The following NCKAP5 variants were observed in gnomAD, a reference collection of about 807,000 sequenced individuals.
The protein encoded by NCKAP5 is NCK associated protein 5, also known as nck-associated protein 5.
A neutral mutation model predicts 167.0 loss-of-function variants in NCKAP5; 92 were observed. That is an observed-to-expected ratio of 0.55 (90% confidence interval 0.47 to 0.66). NCKAP5 has a LOEUF of 0.66. Ranked by LOEUF, NCKAP5 falls within the 30% of genes least tolerant of loss-of-function variation. NCKAP5 has a pLI of 0.00. For missense variants in NCKAP5, 2,378 were observed against 2,315.0 expected (o/e 1.03, Z -0.56); for synonymous variants, 891 against 877.4 (o/e 1.02, Z -0.27).
chr2:133,089,723 A>G (rs985258271), intron 6 of NCKAP5, among the ~76,000 whole-genome samples: 5 of 152,244 alleles, frequency 3.3e-5, no homozygotes, highest in African/African-American at 1.2e-4. Context: ...CAGCAGAACC[A>G]GGGGCAATTT....
intron 3 of NCKAP5, among the ~76,000 whole-genome samples, chr2:133,317,386 C>G (rs1226862366): frequency 2.0e-5 from 3 of 152,110 alleles, no homozygotes; most frequent in Non-Finnish European, 4.4e-5. Context: ...CCACCCCCCT[C>G]CTTCCAGCAA....
intron 4 of NCKAP5, among the ~76,000 whole-genome samples, chr2:133,222,026 C>T (rs750324506): frequency 1.1e-4 from 16 of 152,088 alleles, no homozygotes; most frequent in Non-Finnish European, 1.5e-4. Context: ...TGAATAGTTG[C>T]TATGTCAGGC....
At chr2:133,523,005 T>C (rs990819469) in intron 2 of NCKAP5, among the ~76,000 whole-genome samples, 3 of 152,168 alleles carry the variant, frequency 2.0e-5, no homozygotes, top group Admixed American at 6.5e-5. Flanking sequence ...CTGATAGTTA[T>C]TGATACTAAT....
chr2:133,587,531 A>C, the NCKAP5 span, among the ~76,000 whole-genome samples: 1 of 152,270 alleles, frequency 6.6e-6, no homozygotes, highest in Non-Finnish European at 1.5e-5. Context: ...TGTTTTGTGC[A>C]CATGGTCTCC....
chr2:132,939,355 C>A (rs972463850), intron 8 of NCKAP5, among the ~76,000 whole-genome samples: 3 of 152,058 alleles, frequency 2.0e-5, no homozygotes, highest in Non-Finnish European at 2.9e-5. Context: ...CATTCATGCA[C>A]AAGTAATGAA....
intron 4 of NCKAP5, chr2:133,266,283 G>A (rs1454525733): frequency 6.6e-6 from 1 of 152,426 alleles, no homozygotes. Context: ...TTCTCCCCCT[G>A]CCGTCGGGCT....
At chr2:132,821,880 G>A (rs1234985219) in intron 11 of NCKAP5, among the ~76,000 whole-genome samples, 1 of 152,158 alleles carries the variant, frequency 6.6e-6, no homozygotes, top group Non-Finnish European at 1.5e-5. Flanking sequence ...CCCAAGGAGA[G>A]TCTGAGCCCA....
At chr2:133,023,446 T>A (rs2078595911) in intron 6 of NCKAP5, among the ~76,000 whole-genome samples, 3 of 152,240 alleles carry the variant, frequency 2.0e-5, no homozygotes, top group Non-Finnish European at 4.4e-5. Flanking sequence ...TTATTGATTT[T>A]TTATAATTGT....
intron 5 of NCKAP5, among the ~76,000 whole-genome samples, chr2:133,138,237 T>C (rs1294642917): frequency 6.6e-6 from 1 of 152,158 alleles, no homozygotes; most frequent in Non-Finnish European, 1.5e-5. Context: ...AGAAACCTCA[T>C]CATATCCCAC....
intron 6 of NCKAP5, among the ~76,000 whole-genome samples, chr2:133,017,801 A>G (rs1397456575): frequency 6.6e-6 from 1 of 151,010 alleles, no homozygotes; most frequent in African/African-American, 2.4e-5. Context: ...ATTTCCCTGG[A>G]CTGAAATGGA....
At chr2:132,882,450 C>T (rs1330672951) in intron 8 of NCKAP5, among the ~76,000 whole-genome samples, 2 of 152,142 alleles carry the variant, frequency 1.3e-5, no homozygotes, top group African/African-American at 4.8e-5. Context: ...ATGGTTAGCA[C>T]TCAGGCTCTC....
intron 4 of NCKAP5, among the ~76,000 whole-genome samples, chr2:133,271,463 CA>C (rs145947352): frequency 0.1 from 15,559 of 151,846 alleles, 911 homozygotes; most frequent in East Asian, 0.16. Context: ...TATATTTTTG[CA>C]AAAAAACATG....
In NCKAP5 at chr2:132,671,824, AG is replaced by A. The variant is rs1683792655; in HGVS notation, c.*1464del. 1 of 152,702 alleles carries A rather than the reference AG, an allele frequency of 6.5e-6. No homozygotes were observed. Among genetic ancestry groups the A allele is most frequent in the Non-Finnish European group, 1.5e-5 (1 of 68,054 alleles). The allele number at this position is 152,702 out of a possible 1,614,324, so 9.5% of individuals were successfully genotyped here. On this transcript the variant is annotated 3_prime_UTR_variant, in exon 20 of 20. Coordinates refer to ENST00000409261, the MANE Select transcript of NCKAP5 (RefSeq NM_207363.3). ...TGCAAATGTGATATAACTTTTATTCAGAAAGGAAACAAAAAGATTTTTTAAA... is the reference window on the plus strand; with the variant it reads ...TGCAAATGTGATATAACTTTTATTCAAAAGGAAACAAAAAGATTTTTTAAA...
chr2:133,630,671 G>C, the NCKAP5 span, among the ~76,000 whole-genome samples: 1 of 152,082 alleles, frequency 6.6e-6, no homozygotes, highest in Non-Finnish European at 1.5e-5. Flanking sequence ...CCAGGAATAT[G>C]CCTGGGCTAG....
chr2:132,832,008 T>G (rs1020172185), intron 11 of NCKAP5, among the ~76,000 whole-genome samples: 1 of 152,106 alleles, frequency 6.6e-6, no homozygotes, highest in Non-Finnish European at 1.5e-5. Context: ...GATATTTTCC[T>G]TCTTTCATTT....
In NCKAP5 at chr2:132,782,230, G is replaced by A; in HGVS notation, c.4581C>T (p.Ile1527=). 3 of 1,613,866 alleles carry A rather than the reference G, an allele frequency of 1.9e-6. No individual in the cohort carries two copies. Among genetic ancestry groups the A allele is most frequent in the Non-Finnish European group, 2.5e-6 (3 of 1,179,884 alleles). ...LPALSSRKMD[I]SKTKVEKKDA... is the part of the protein sequence containing the mutation. ...CTTTCTTTTCTACTTTGGTTTTGGA[G>A]ATGTCCATTTTCCTGCTACTCAGAG... The change falls in exon 14 of 20, where the codon ATC becomes ATT. Residue 1527 remains isoleucine, a synonymous_variant. Transcript: ENST00000409261.
chr2:132,808,612 T>C (rs1187400170), intron 11 of NCKAP5, among the ~76,000 whole-genome samples: 1 of 152,180 alleles, frequency 6.6e-6, no homozygotes, highest in Non-Finnish European at 1.5e-5. Context: ...TAATATCTCC[T>C]GTTTCGTTTC....
At chr2:132,775,688 C>T (rs1387725004) in intron 15 of NCKAP5, among the ~76,000 whole-genome samples, 1 of 152,200 alleles carries the variant, frequency 6.6e-6, no homozygotes, top group Non-Finnish European at 1.5e-5. Flanking sequence ...TCTCTTTGCT[C>T]AGGGATCTGT....
intron 6 of NCKAP5, among the ~76,000 whole-genome samples, chr2:133,035,195 A>G (rs993926825): frequency 1.3e-5 from 2 of 152,094 alleles, no homozygotes; most frequent in African/African-American, 4.8e-5. Flanking sequence ...AAAGGCATCA[A>G]TTCAGCAAGA....
Sources: allele counts gnomAD v4.1 joint callset (sites outside exome capture counted in the v4.1 genomes callset), GRCh38; gene constraint gnomAD v4.1.1; transcripts MANE v1.5; gene names NCBI Gene and HGNC (gene_info 2026-07-23, HGNC 2026-07-21).